The following ATP8A2 variants were observed in gnomAD, a reference collection of about 807,000 sequenced individuals.
ATP8A2 encodes ATPase phospholipid transporting 8A2, also known as phospholipid-transporting ATPase IB.
In ATP8A2, 100 loss-of-function variants were observed where a neutral mutation model predicts 165.6. The observed-to-expected ratio is 0.60, with a 90% CI of 0.51 to 0.71. The LOEUF is 0.71. Ranked by LOEUF, ATP8A2 falls within the 30% of genes least tolerant of loss-of-function variation. The pLI is 0.00. For synonymous variants in ATP8A2, 543 were observed against 548.8 expected (o/e 0.99, Z 0.15); for missense variants, 1,227 against 1,479.5 (o/e 0.83, Z 2.80).
At chr13:25,456,181 A>G (rs1340252602) in intron 1 of ATP8A2, among the ~76,000 whole-genome samples, 1 of 152,228 alleles carries the variant, frequency 6.6e-6, no homozygotes, top group East Asian at 1.9e-4. Context: ...CTGACTTTAC[A>G]GTAAAAGGCA....
intron 24 of ATP8A2, among the ~76,000 whole-genome samples, chr13:25,680,043 A>G (rs564592147): frequency 6.6e-5 from 10 of 152,280 alleles, no homozygotes; most frequent in African/African-American, 1.9e-4. Context: ...GGGGGCAGAA[A>G]TTGAACAGGA....
intron 2 of ATP8A2, among the ~76,000 whole-genome samples, chr13:25,515,155 C>T (rs548899520): frequency 3.9e-5 from 6 of 152,310 alleles, no homozygotes; most frequent in East Asian, 3.9e-4. Flanking sequence ...TAGCTTTTCC[C>T]GCCTTCAGAG....
intron 27 of ATP8A2, among the ~76,000 whole-genome samples, chr13:25,794,820 T>TACACACACACACAC (rs3053488): frequency 0.014 from 2,012 of 139,558 alleles, 24 homozygotes; most frequent in African/African-American, 0.022. Context: ...TTCCCTCTCC[T>TACACACACACACAC]ACACACACAC....
chr13:25,881,376 TG>T (rs1276400705), intron 33 of ATP8A2, among the ~76,000 whole-genome samples: 2 of 152,230 alleles, frequency 1.3e-5, no homozygotes, highest in Non-Finnish European at 2.9e-5. Flanking sequence ...ACCACATCCA[TG>T]CTGAAGTTTC....
chr13:25,855,250 C>CA (rs377574904), intron 30 of ATP8A2, among the ~76,000 whole-genome samples: 6,696 of 111,466 alleles, frequency 0.06, 296 homozygotes, highest in African/African-American at 0.13. Context: ...GACTCCATCT[C>CA]AAAAAAAAAA....
At chr13:25,597,522 C>G (rs779101239) in intron 24 of ATP8A2, among the ~76,000 whole-genome samples, 1 of 152,212 alleles carries the variant, frequency 6.6e-6, no homozygotes, top group African/African-American at 2.4e-5. Context: ...CAGACAGCCT[C>G]TAGTAGCTGA....
At chr13:25,794,846 C>CAT (rs1950465393) in intron 27 of ATP8A2, among the ~76,000 whole-genome samples, 1 of 151,028 alleles carries the variant, frequency 6.6e-6, no homozygotes, top group South Asian at 2.1e-4. Context: ...CACACACACA[C>CAT]ACACACACAC....
chr13:25,816,513 A>G (rs1951023397), intron 27 of ATP8A2, among the ~76,000 whole-genome samples: 1 of 152,016 alleles, frequency 6.6e-6, no homozygotes, highest in Non-Finnish European at 1.5e-5. Context: ...AGTTGTGCTC[A>G]CTCCTCCAGA....
At chr13:25,487,627 C>CA (rs141880411) in intron 2 of ATP8A2, among the ~76,000 whole-genome samples, 4,583 of 151,402 alleles carry the variant, frequency 0.03, 253 homozygotes, top group African/African-American at 0.11. Flanking sequence ...TTGGGTTTTA[C>CA]AAAAAAAACC....
At position 25,670,643 on chromosome 13, in the gene ATP8A2, G is replaced by A. The variant is rs9578898; in HGVS notation, c.2212-28530G>A. 4.0e-3 allele frequency among the ~76,000 whole-genome samples: 605 copies of A among 152,234 alleles called. 4 individuals carry two copies. Among genetic ancestry groups the A allele is most frequent in the Middle Eastern group, 0.017 (5 of 294 alleles). On this transcript the variant is annotated intron_variant, in intron 24 of 36. Coordinates refer to ENST00000381655, the MANE Select transcript of ATP8A2 (RefSeq NM_016529.6). ...TGATTTAAAATTTAAATGAATTTGC[G>A]GAGCCTGAAAGAGCCTCTTCTTTGA...
At chr13:25,624,933 A>G (rs780828881) in intron 24 of ATP8A2, among the ~76,000 whole-genome samples, 17 of 152,202 alleles carry the variant, frequency 1.1e-4, no homozygotes, top group Non-Finnish European at 1.6e-4. Context: ...CTGAAATCTA[A>G]AAGTTTTTTA....
At chr13:25,894,921 A>G (rs1381091140) in intron 33 of ATP8A2, among the ~76,000 whole-genome samples, 4 of 152,156 alleles carry the variant, frequency 2.6e-5, no homozygotes, top group Non-Finnish European at 5.9e-5. Context: ...TTATCAGCTT[A>G]AGGAGATTTT....
At chr13:25,692,244 C>T (rs985624673) in intron 24 of ATP8A2, among the ~76,000 whole-genome samples, 3 of 152,184 alleles carry the variant, frequency 2.0e-5, no homozygotes, top group African/African-American at 7.2e-5. Context: ...AGGGAGTCTG[C>T]TCTGGAACTC....
intron 27 of ATP8A2, among the ~76,000 whole-genome samples, chr13:25,813,757 T>C (rs1950939330): frequency 6.6e-6 from 1 of 152,156 alleles, no homozygotes; most frequent in East Asian, 1.9e-4. Flanking sequence ...AACATTATTC[T>C]GGGTGTTTCT....
At position 25,531,422 on chromosome 13, in the gene ATP8A2, TATATATA is replaced by T. The variant is rs1566230536; in HGVS notation, c.420+763_420+769del. ...ATTATATATATGATTATATATATGA[TATATATA>T]TGATTATATATATGATTATATATAT... On this transcript the variant is annotated intron_variant, in intron 4 of 36. Transcript: ENST00000381655. Among the ~76,000 whole-genome samples the T allele has an allele frequency of 2.7e-3, 149 of 55,096 alleles. 2 individuals carry two copies. The highest frequency in any genetic ancestry group is 6.4e-3 in the African/African-American group (67 of 10,468). The allele number at this position is 55,096 out of a possible 152,430, so 36.1% of individuals were successfully genotyped here.
intron 1 of ATP8A2, among the ~76,000 whole-genome samples, chr13:25,411,693 G>A (rs1410397863): frequency 2.6e-5 from 4 of 151,966 alleles, no homozygotes; most frequent in Non-Finnish European, 5.9e-5. Flanking sequence ...GTTTATTTGT[G>A]TACACATACA....
chr13:25,422,736 G>A lies in ATP8A2; in HGVS notation c.77-46241G>A, dbSNP rs139146653. On this transcript the variant is annotated intron_variant, in intron 1 of 36. Transcript: ENST00000381655. ...CTGTGGTGTATTCAGAGAGGTAAAGGGAAACCAAAGTTTTTAAAGGAAAAA... is the reference window on the plus strand; with the variant it reads ...CTGTGGTGTATTCAGAGAGGTAAAGAGAAACCAAAGTTTTTAAAGGAAAAA... Among the ~76,000 whole-genome samples the A allele has an allele frequency of 2.4e-4, 36 of 152,240 alleles. No individual in the cohort carries two copies. In the East Asian group the frequency reaches 6.9e-3, roughly 29 times the overall value.
chr13:25,487,169 A>T (rs554732557), intron 2 of ATP8A2, among the ~76,000 whole-genome samples: 23 of 152,284 alleles, frequency 1.5e-4, no homozygotes, highest in African/African-American at 5.5e-4. Flanking sequence ...TCTTTGCAGA[A>T]TGATGTCAGT....
chr13:25,673,149 A>G (rs1402574562), intron 24 of ATP8A2, among the ~76,000 whole-genome samples: 1 of 152,218 alleles, frequency 6.6e-6, no homozygotes, highest in African/African-American at 2.4e-5. Flanking sequence ...CTTTCCTACC[A>G]TGATGGACAA....
Sources: allele counts gnomAD v4.1 joint callset (sites outside exome capture counted in the v4.1 genomes callset), GRCh38; gene constraint gnomAD v4.1.1; transcripts MANE v1.5; gene names NCBI Gene and HGNC (gene_info 2026-07-23, HGNC 2026-07-21).